Variants in CATSPERB observed in about 807,000 individuals in gnomAD.
CATSPERB encodes cation channel sperm-associated auxiliary subunit beta.
CATSPERB carries 93 observed loss-of-function variants against 128.3 expected under a neutral mutation model. The ratio of observed to expected loss-of-function variants is 0.72; its 90% CI spans 0.61 to 0.86. CATSPERB has a LOEUF of 0.86. CATSPERB is among the 40% of genes least tolerant of loss of function. CATSPERB has a pLI of 0.00. For synonymous variants in CATSPERB, 381 were observed against 448.8 expected (o/e 0.85, Z 1.91); for missense variants, 1,153 against 1,329.5 (o/e 0.87, Z 2.06).
intron 5 of CATSPERB, among the ~76,000 whole-genome samples, chr14:91,717,611 T>C (rs1209410914): frequency 1.3e-5 from 2 of 152,208 alleles, no homozygotes. Flanking sequence ...TGACATATAA[T>C]AAGAATTCAA....
Position 91,583,352 on chromosome 14 carries a change from G to A in CATSPERB, c.3133-2245C>T, listed in dbSNP as rs745350008. Among the ~76,000 whole-genome samples, 167 of 14,970 alleles carry A rather than the reference G, an allele frequency of 0.011. No homozygotes were observed. The East Asian group carries it at 0.43, about 39-fold the overall frequency. The allele number at this position is 14,970 out of a possible 152,430, so 9.8% of individuals were successfully genotyped here. A position where few individuals can be genotyped will look rare whatever the true frequency, so the allele number is the denominator to read the frequency against. ...GAGAATGGCATGTACCCGGGAGGCG[G>A]AACTTGCAGTGAGCCGAGATCGTGC... On this transcript the variant is annotated intron_variant, in intron 26 of 26. Coordinates refer to ENST00000256343, the MANE Select transcript of CATSPERB (RefSeq NM_024764.4).
At chr14:91,606,474 A>G (rs1743163) in intron 22 of CATSPERB, among the ~76,000 whole-genome samples, 120,264 of 151,888 alleles carry the variant, frequency 0.79, 47,856 homozygotes, top group East Asian at 0.9. Flanking sequence ...GAGGCAGGAG[A>G]ATCGCTTGAA....
intron 6 of CATSPERB, among the ~76,000 whole-genome samples, chr14:91,707,234 C>T (rs1198481774): frequency 2.0e-5 from 3 of 152,170 alleles, no homozygotes; most frequent in Non-Finnish European, 4.4e-5. Context: ...CTCATCTCCA[C>T]ATCTGGAGCT....
chr14:91,685,004 C>T (rs1309500950), intron 10 of CATSPERB, among the ~76,000 whole-genome samples: 7 of 151,934 alleles, frequency 4.6e-5, no homozygotes, highest in Non-Finnish European at 1.0e-4. Context: ...GTAGCTCACT[C>T]CAGCCTCAAA....
chr14:91,630,571 C>A (rs1189018955), intron 17 of CATSPERB, among the ~76,000 whole-genome samples: 5 of 152,176 alleles, frequency 3.3e-5, no homozygotes, highest in African/African-American at 1.2e-4. Flanking sequence ...AACCACAAAC[C>A]TAGACAATTT....
intron 15 of CATSPERB, among the ~76,000 whole-genome samples, chr14:91,642,777 A>G (rs1894520858): frequency 6.9e-6 from 1 of 143,938 alleles, no homozygotes; most frequent in African/African-American, 2.6e-5. Context: ...TAGTTTCAGA[A>G]GGAATGGTAC....
chr14:91,717,999 A>G (rs1177635110), intron 5 of CATSPERB, among the ~76,000 whole-genome samples: 1 of 152,202 alleles, frequency 6.6e-6, no homozygotes, highest in Non-Finnish European at 1.5e-5. Context: ...AAGTTCTCGT[A>G]TCATCTTTGT....
At chr14:91,625,262 C>T (rs557512221) in intron 17 of CATSPERB, among the ~76,000 whole-genome samples, 1 of 152,270 alleles carries the variant, frequency 6.6e-6, no homozygotes, top group Middle Eastern at 3.4e-3. Context: ...GATAGGCATT[C>T]ATCCACTACT....
intron 13 of CATSPERB, 81 bp from the exon 14 acceptor site, chr14:91,670,053 TAA>T: frequency 8.2e-7 from 1 of 1,222,648 alleles, no homozygotes; most frequent in South Asian, 1.3e-5. Context: ...GCATTTTGAT[TAA>T]GAGAGAGATA....
chr14:91,718,971 T>C (rs1895987262), intron 5 of CATSPERB, among the ~76,000 whole-genome samples: 1 of 152,176 alleles, frequency 6.6e-6, no homozygotes, highest in South Asian at 2.1e-4. Context: ...TTGACTTTTC[T>C]CCTCTTTTCA....
Position 91,631,525 on chromosome 14 carries a change from C to T in CATSPERB, c.1742+4900G>A, listed in dbSNP as rs147830457. On this transcript the variant is annotated intron_variant, in intron 17 of 26. Coordinates refer to ENST00000256343, the MANE Select transcript of CATSPERB (RefSeq NM_024764.4). ...CTAAATATACAAAAAATTAGTCAGG[C>T]GTGGTGGTGGGCGTCTGTAATCCCA... Among the ~76,000 whole-genome samples the T allele has an allele frequency of 4.3e-3, 648 of 152,028 alleles. 3 individuals are homozygous for T. The highest frequency in any genetic ancestry group is 0.015 in the African/African-American group (625 of 41,460).
intron 17 of CATSPERB, chr14:91,635,607 C>T (rs1894359675): frequency 6.6e-6 from 1 of 152,196 alleles, no homozygotes; most frequent in Non-Finnish European, 1.5e-5. Context: ...ATCTGCTGGC[C>T]TTGGCCTCCC....
At chr14:91,721,814 C>T (rs559925770) in intron 4 of CATSPERB, among the ~76,000 whole-genome samples, 12 of 150,404 alleles carry the variant, frequency 8.0e-5, no homozygotes, top group Admixed American at 7.9e-4. Flanking sequence ...CGCACCACTG[C>T]ACTCCAGCCT....
At chr14:91,595,090 C>T (rs1215673043) in intron 22 of CATSPERB, among the ~76,000 whole-genome samples, 2 of 152,052 alleles carry the variant, frequency 1.3e-5, no homozygotes, top group Non-Finnish European at 1.5e-5. Context: ...GATCTAACAA[C>T]AGGTCTACTG....
Position 91,669,963 on chromosome 14 carries a change from T to C in CATSPERB, c.1138A>G (p.Thr380Ala). 1 of 1,611,894 alleles carries C rather than the reference T, an allele frequency of 6.2e-7. No homozygotes were observed. Among genetic ancestry groups the C allele is most frequent in the Non-Finnish European group, 8.5e-7 (1 of 1,179,298 alleles). ...VYLFYNKVRK[T>A]AIASVSTLRN... is the part of the protein sequence containing the mutation. Reference sequence around the variant, plus strand: ...AGGGTGCTCACAGAGGCAATGGCAGTTTTCCTGACCTAGGTAAACAAAGAA... The same window carrying C: ...AGGGTGCTCACAGAGGCAATGGCAGCTTTCCTGACCTAGGTAAACAAAGAA... The change falls in exon 14 of 27, where the codon ACT (threonine) becomes GCT (alanine). Residue 380 changes from threonine to alanine, a missense_variant. Physicochemically the swap from Thr to Ala is moderately conservative, Grantham distance 58 (BLOSUM62 0). Transcript: ENST00000256343.
In CATSPERB at chr14:91,581,052, G is replaced by A. The variant is rs1323535435; in HGVS notation, c.3188C>T (p.Ala1063Val). Residue 1063 changes from alanine (A) to valine (V), a missense_variant, in exon 27 of 27, where the codon GCA becomes GTA. Ala to Val is a moderately conservative substitution (Grantham distance 64, BLOSUM62 0). Coordinates refer to ENST00000256343, the MANE Select transcript of CATSPERB (RefSeq NM_024764.4). Reference sequence around the variant, plus strand: ...TAATCCCCCTAGCACTACCGCTGTTGCCACGGCAATAAGCGTGTGTCCTGG... The same window carrying A: ...TAATCCCCCTAGCACTACCGCTGTTACCACGGCAATAAGCGTGTGTCCTGG... Reference protein sequence around the residue: ...PFPGHTLIAVATAVVLGGLIF... With the variant: ...PFPGHTLIAVVTAVVLGGLIF... The A allele has an allele frequency of 6.2e-7, 1 of 1,614,082 alleles. No individual in the cohort carries two copies. Among genetic ancestry groups the A allele is most frequent in the Non-Finnish European group, 8.5e-7 (1 of 1,180,044 alleles).
intron 15 of CATSPERB, among the ~76,000 whole-genome samples, chr14:91,640,118 A>G (rs1894464489): frequency 6.6e-6 from 1 of 151,950 alleles, no homozygotes; most frequent in Non-Finnish European, 1.5e-5. Context: ...CTCAAAGTGA[A>G]CTCATTCCAG....
intron 22 of CATSPERB, chr14:91,604,690 G>A: frequency 6.2e-7 from 1 of 1,613,194 alleles, no homozygotes; most frequent in South Asian, 1.1e-5. Context: ...GGATGTTCTG[G>A]GTCTGGTTGC....
intron 16 of CATSPERB, among the ~76,000 whole-genome samples, chr14:91,637,088 T>G (rs1894389814): frequency 6.6e-6 from 1 of 152,194 alleles, no homozygotes; most frequent in Admixed American, 6.6e-5. Context: ...CAGGCACTTC[T>G]GGCCTAGATT....
Sources: allele counts gnomAD v4.1 joint callset (sites outside exome capture counted in the v4.1 genomes callset), GRCh38; gene constraint gnomAD v4.1.1; transcripts MANE v1.5; gene names NCBI Gene and HGNC (gene_info 2026-07-23, HGNC 2026-07-21).